Variants in KAZN observed in about 807,000 individuals in gnomAD.
KAZN encodes kazrin.
A neutral mutation model predicts 87.4 loss-of-function variants in KAZN; 40 were observed. The observed-to-expected ratio is 0.46, with a 90% confidence interval of 0.36 to 0.60. The LOEUF (loss-of-function observed/expected upper bound fraction) is 0.60, where lower values mean the gene tolerates loss of function less well. Ranked by LOEUF, KAZN falls within the 20% of genes least tolerant of loss-of-function variation. The probability of loss-of-function intolerance (pLI) is 0.00; values close to 1 mark genes in which losing one functional copy is unlikely to be tolerated. For missense variants in KAZN, 898 were observed against 1,073.9 expected, an observed-to-expected ratio of 0.84 and a Z score of 2.29; for synonymous variants, 466 against 458.3, an observed-to-expected ratio of 1.02 and a Z score of -0.22.
intron 1 of KAZN, chr1:14,692,449 G>A (rs757365475): frequency 1.0e-4 from 24 of 238,712 alleles, no homozygotes; most frequent in Non-Finnish European, 1.8e-4. Context: ...ACTTTTTCTT[G>A]TAATATCATG....
chr1:14,617,295 T>A (rs1245293377), intron 1 of KAZN, among the ~76,000 whole-genome samples: 1 of 152,246 alleles, frequency 6.6e-6, no homozygotes, highest in Non-Finnish European at 1.5e-5. Context: ...CCAGTGCGTA[T>A]GAAACTTATG....
intron 1 of KAZN, among the ~76,000 whole-genome samples, chr1:14,739,185 A>T (rs1158233778): frequency 6.6e-6 from 1 of 152,138 alleles, no homozygotes; most frequent in Non-Finnish European, 1.5e-5. Context: ...CTCAAAACAA[A>T]ACAAACAAAA....
intron 2 of KAZN, among the ~76,000 whole-genome samples, chr1:14,568,332 G>T (rs1326187690): frequency 6.6e-6 from 1 of 152,166 alleles, no homozygotes; most frequent in African/African-American, 2.4e-5. Flanking sequence ...CGCTTCAGAG[G>T]AGAACATAGC....
At chr1:14,965,058 TCTCA>T (rs1370404280) in intron 2 of KAZN, among the ~76,000 whole-genome samples, 1 of 150,008 alleles carries the variant, frequency 6.7e-6, no homozygotes, top group African/African-American at 2.5e-5. Flanking sequence ...TGAGACAGAG[TCTCA>T]CTCTGTCATC....
intron 3 of KAZN, 124 bp downstream of exon 3, chr1:15,035,009 G>T: frequency 1.6e-6 from 2 of 1,224,196 alleles, no homozygotes; most frequent in Non-Finnish European, 2.3e-6. Context: ...GGCCCTTGAT[G>T]TGTCCAGCCA....
At chr1:14,266,663 T>TG (rs1342542677) in intron 2 of KAZN, among the ~76,000 whole-genome samples, 2 of 152,144 alleles carry the variant, frequency 1.3e-5, no homozygotes, top group African/African-American at 4.8e-5. Context: ...AGGCGTGAGG[T>TG]GGGGACCAGT....
chr1:14,866,009 A>G (rs1370895709), intron 1 of KAZN, among the ~76,000 whole-genome samples: 3 of 152,152 alleles, frequency 2.0e-5, no homozygotes, highest in Non-Finnish European at 4.4e-5. Flanking sequence ...TCTAGCCCCT[A>G]GAACTGCAAG....
Position 14,883,318 on chromosome 1 carries a change from A to AAGAGAG in KAZN, c.227-77346_227-77341dup, listed in dbSNP as rs1219653139. On this transcript the variant is annotated intron_variant, in intron 1 of 14. Transcript: ENST00000376030. ...CTCAAAAGAAAGAAAGAAAGAAAGA[A>AAGAGAG]AGAGAGAGAGAGAGAGAGAGAGAGA... Among the ~76,000 whole-genome samples the AAGAGAG allele has an allele frequency of 8.0e-4, 31 of 38,590 alleles. 1 individual carries two copies. Among genetic ancestry groups the AAGAGAG allele is most frequent in the African/African-American group, 2.1e-3 (27 of 13,048 alleles). 25.3% of individuals were successfully genotyped at this position (38,590 alleles called of 152,430 possible).
At chr1:14,726,328 A>G (rs886846538) in intron 1 of KAZN, among the ~76,000 whole-genome samples, 53 of 152,326 alleles carry the variant, frequency 3.5e-4, no homozygotes, top group African/African-American at 1.2e-3. Flanking sequence ...GACCTGTGCA[A>G]GCTGATAGAG....
intron 1 of KAZN, among the ~76,000 whole-genome samples, chr1:13,948,113 G>A (rs534008700): frequency 1.2e-4 from 19 of 152,244 alleles, no homozygotes; most frequent in African/African-American, 4.3e-4. Context: ...CAGATTCCAG[G>A]GGTTAAGAAC....
chr1:14,990,978 G>T (rs529078847), intron 2 of KAZN, among the ~76,000 whole-genome samples: 1 of 151,756 alleles, frequency 6.6e-6, no homozygotes, highest in East Asian at 1.9e-4. Context: ...TGGGGGTGAT[G>T]TGTCTGCACA....
chr1:15,014,662 C>T lies in KAZN; in HGVS notation c.419-20087C>T, dbSNP rs144473661. ...CATCTGTCACTGTCCAGAAAGCCTT[C>T]CTCCCGGGAAGAATCTTGGCACATA... On this transcript the variant is annotated intron_variant, in intron 2 of 14. Transcript: ENST00000376030. Among the ~76,000 whole-genome samples, 81 of 152,272 alleles carry T rather than the reference C, an allele frequency of 5.3e-4. 1 individual carries two copies. The Middle Eastern group carries it at 0.02, about 38-fold the overall frequency.
At chr1:14,273,087 A>G (rs1347060110) in intron 2 of KAZN, among the ~76,000 whole-genome samples, 2 of 152,098 alleles carry the variant, frequency 1.3e-5, no homozygotes, top group African/African-American at 2.4e-5. Flanking sequence ...GCTGGATGAA[A>G]CACGGATCAG....
intron 2 of KAZN, among the ~76,000 whole-genome samples, chr1:14,209,468 G>T (rs1028897909): frequency 1.3e-5 from 2 of 152,112 alleles, no homozygotes; most frequent in African/African-American, 4.8e-5. Context: ...ATAACCTTTG[G>T]AAAAATCTGC....
intron 1 of KAZN, among the ~76,000 whole-genome samples, chr1:14,030,404 G>T (rs1287464264): frequency 2.9e-5 from 4 of 139,104 alleles, no homozygotes; most frequent in Non-Finnish European, 6.2e-5. Context: ...CACGGGAAGG[G>T]GAATATCACA....
chr1:14,927,390 G>A (rs1446613733), intron 1 of KAZN, among the ~76,000 whole-genome samples: 1 of 152,200 alleles, frequency 6.6e-6, no homozygotes, highest in Non-Finnish European at 1.5e-5. Flanking sequence ...GTCTGTGGGA[G>A]GAGATTTCCA....
chr1:14,370,214 G>A (rs1215055692), intron 2 of KAZN, among the ~76,000 whole-genome samples: 1 of 152,222 alleles, frequency 6.6e-6, no homozygotes, highest in Admixed American at 6.5e-5. Context: ...GGTGGGCAGG[G>A]AGATGGGCCA....
intron 2 of KAZN, among the ~76,000 whole-genome samples, chr1:14,338,061 G>A (rs574228216): frequency 6.6e-6 from 1 of 152,092 alleles, no homozygotes; most frequent in Non-Finnish European, 1.5e-5. Context: ...TGGTGAGAAT[G>A]GACCCCTTCC....
intron 1 of KAZN, among the ~76,000 whole-genome samples, chr1:14,814,330 G>A (rs570370235): frequency 6.6e-6 from 1 of 152,156 alleles, no homozygotes; most frequent in Non-Finnish European, 1.5e-5. Context: ...GGGTTCAAGT[G>A]ATTCTCCTGC....
Sources: allele counts gnomAD v4.1 joint callset (sites outside exome capture counted in the v4.1 genomes callset), GRCh38; gene constraint gnomAD v4.1.1; transcripts MANE v1.5; gene names NCBI Gene and HGNC (gene_info 2026-07-23, HGNC 2026-07-21).